CNTN4: variants seen among roughly 807,000 people sequenced by gnomAD.
The protein encoded by CNTN4 is contactin-4.
In CNTN4, 77 loss-of-function variants were observed where a neutral mutation model predicts 122.5. That is an observed-to-expected ratio of 0.63 (90% CI 0.52 to 0.76). The LOEUF (loss-of-function observed/expected upper bound fraction) is 0.76, where lower values mean the gene tolerates loss of function less well. Ranked by LOEUF, CNTN4 falls within the 30% of genes least tolerant of loss-of-function variation. The pLI is 0.00. For missense variants in CNTN4, 1,256 were observed against 1,259.1 expected, an observed-to-expected ratio of 1.00 and a Z score of 0.04; for synonymous variants, 512 against 447.0, an observed-to-expected ratio of 1.15 and a Z score of -1.83.
At chr3:2,331,087 T>A (rs1209529865) in intron 2 of CNTN4, among the ~76,000 whole-genome samples, 1 of 152,178 alleles carries the variant, frequency 6.6e-6, no homozygotes. Flanking sequence ...ATTTTCTGGT[T>A]CTGCAGATTG....
chr3:2,150,973 G>C (rs749588935), intron 2 of CNTN4, among the ~76,000 whole-genome samples: 3 of 150,534 alleles, frequency 2.0e-5, no homozygotes, highest in Non-Finnish European at 4.4e-5. Flanking sequence ...GGGAACTATC[G>C]TAAGTAAGTT....
rs1157082344 is a variant in CNTN4, at chr3:2,127,918, ACTGAATTTTGTTCTTCCT to A, written c.-145+27286_-145+27303del. On this transcript the variant is annotated intron_variant, in intron 2 of 24. Coordinates refer to ENST00000418658, the MANE Select transcript of CNTN4 (RefSeq NM_175607.3). ...AACCAAGAGTAGAAGATAACTTGTT[ACTGAATTTTGTTCTTCCT>A]CTGAATGCCACTCTTTCAAGCAGAG... 2.0e-5 allele frequency among the ~76,000 whole-genome samples: 3 copies of A among 152,228 alleles called. No individual in the cohort carries two copies. The East Asian group carries it at 5.8e-4, about 29-fold the overall frequency.
intron 2 of CNTN4, among the ~76,000 whole-genome samples, chr3:2,135,520 A>C (rs1211662028): frequency 1.3e-5 from 2 of 152,188 alleles, no homozygotes; most frequent in Non-Finnish European, 2.9e-5. Context: ...TGTAGTACAG[A>C]ACTTTAGACT....
At chr3:2,362,317 C>A in intron 3 of CNTN4, 1 of 228,036 alleles carries the variant, frequency 4.4e-6, no homozygotes, top group Non-Finnish European at 8.8e-6. Flanking sequence ...ATGGCGGCCC[C>A]AGGGCTGCGC....
intron 12 of CNTN4, among the ~76,000 whole-genome samples, chr3:2,915,599 G>A (rs2094345080): frequency 6.6e-6 from 1 of 152,140 alleles, no homozygotes; most frequent in Non-Finnish European, 1.5e-5. Context: ...TAGAGAAAAA[G>A]CTTTCAATTT....
At position 2,576,096 on chromosome 3, in the gene CNTN4, G is replaced by A. The variant is rs547527958; in HGVS notation, c.55+4538G>A. On this transcript the variant is annotated intron_variant, in intron 4 of 24. Coordinates refer to ENST00000418658, the MANE Select transcript of CNTN4 (RefSeq NM_175607.3). ...GTGATCTGCCCACCTCGGCCTCCCA[G>A]AGTGCTGGAATTACAGGCGTGAGCC... Among the ~76,000 whole-genome samples the A allele has an allele frequency of 3.7e-3, 566 of 152,110 alleles. 2 individuals are homozygous for A. The highest frequency in any genetic ancestry group is 0.012 in the African/African-American group (500 of 41,488).
chr3:2,208,619 G>A (rs910681891), intron 2 of CNTN4, among the ~76,000 whole-genome samples: 5 of 152,148 alleles, frequency 3.3e-5, no homozygotes, highest in Non-Finnish European at 7.4e-5. Flanking sequence ...CTGCATTTCT[G>A]CTGTGGGTCA....
chr3:2,958,981 A>G (rs994397541), intron 13 of CNTN4, among the ~76,000 whole-genome samples: 18 of 152,196 alleles, frequency 1.2e-4, no homozygotes, highest in African/African-American at 4.1e-4. Context: ...CAGGGAACAG[A>G]AGGGTCAGTA....
Position 2,678,979 on chromosome 3 carries a change from G to A in CNTN4, c.56-57236G>A, listed in dbSNP as rs576640413. Among the ~76,000 whole-genome samples the A allele has an allele frequency of 2.6e-5, 4 of 152,236 alleles. No individual in the cohort carries two copies. In the East Asian group the frequency reaches 7.7e-4, roughly 29 times the overall value. ...CCTTTTTACATTAAACTGAAAAAGTGCACATGTGTTCTGTTGAAATGCCCC... is the reference window on the plus strand; with the variant it reads ...CCTTTTTACATTAAACTGAAAAAGTACACATGTGTTCTGTTGAAATGCCCC... On this transcript the variant is annotated intron_variant, in intron 4 of 24. Coordinates refer to ENST00000418658, the MANE Select transcript of CNTN4 (RefSeq NM_175607.3).
At chr3:2,448,427 AG>A in intron 3 of CNTN4, among the ~76,000 whole-genome samples, 1 of 152,290 alleles carries the variant, frequency 6.6e-6, no homozygotes, top group Non-Finnish European at 1.5e-5. Flanking sequence ...TTGGAGTGAT[AG>A]GGAGTTGTGT....
intron 2 of CNTN4, among the ~76,000 whole-genome samples, chr3:2,141,061 C>T (rs1043015197): frequency 6.6e-6 from 1 of 152,138 alleles, no homozygotes; most frequent in Non-Finnish European, 1.5e-5. Context: ...GCTGGAATAT[C>T]AGTTGCTGGG....
At chr3:2,283,519 G>C (rs925820892) in intron 2 of CNTN4, among the ~76,000 whole-genome samples, 1 of 152,044 alleles carries the variant, frequency 6.6e-6, no homozygotes, top group African/African-American at 2.4e-5. Context: ...CCATATAATG[G>C]GAACTGGGGT....
intron 2 of CNTN4, among the ~76,000 whole-genome samples, chr3:2,185,123 A>G (rs2037188217): frequency 6.6e-6 from 1 of 152,106 alleles, no homozygotes; most frequent in Admixed American, 6.5e-5. Context: ...TGGGCTTTTT[A>G]CAGAGGCTGA....
At chr3:2,479,178 T>C (rs979959445) in intron 3 of CNTN4, among the ~76,000 whole-genome samples, 23 of 152,182 alleles carry the variant, frequency 1.5e-4, no homozygotes, top group Non-Finnish European at 7.3e-5. Context: ...CCTATATAGG[T>C]TTGCTTTTTT....
rs144391040 is a variant in CNTN4 at position 3,040,257 on chromosome 3, A to G, written c.2384A>G (p.Tyr795Cys). The change falls in exon 20 of 25, where the codon TAT becomes TGT. Residue 795 changes from tyrosine (Y) to cysteine (C), a missense_variant. Transcript: ENST00000418658. ...CCTTTCAGTCCCACCACGGTGGTGT[A>G]TTCTGCAGAAGAAGGTATCGTTTAT... is the stretch of plus-strand genomic sequence containing the variant. ...EGPFSPTTVV[Y>C]SAEEEPTKPP... 6.2e-7 allele frequency: 1 copy of G among 1,612,236 alleles called. No individual in the cohort carries two copies. Among genetic ancestry groups the G allele is most frequent in the Non-Finnish European group, 8.5e-7 (1 of 1,178,260 alleles).
chr3:2,657,117 G>C lies in CNTN4; in HGVS notation c.56-79098G>C, dbSNP rs1165176895. Among the ~76,000 whole-genome samples, 9 of 152,264 alleles carry C rather than the reference G, an allele frequency of 5.9e-5. No individual in the cohort carries two copies. In the East Asian group the frequency reaches 1.7e-3, roughly 29 times the overall value. ...TTAAAAACTCAAAATAAATACGTAG[G>C]TTAATGTCATGAAGTACTTGACCGG... On this transcript the variant is annotated intron_variant, in intron 4 of 24. Transcript: ENST00000418658.
At position 2,832,341 on chromosome 3, in the gene CNTN4, G is replaced by T. The variant is rs546434735; in HGVS notation, c.454+12760G>T. On this transcript the variant is annotated intron_variant, in intron 7 of 24. Coordinates refer to ENST00000418658, the MANE Select transcript of CNTN4 (RefSeq NM_175607.3). ...GGGCCAAAACAAAATGTTTTCTCCT[G>T]CCATGTAGCCTACAGGTCTGCTAGG... Among the ~76,000 whole-genome samples the T allele has an allele frequency of 3.3e-5, 5 of 152,324 alleles. No individual in the cohort carries two copies. In the East Asian group the frequency reaches 9.6e-4, roughly 29 times the overall value.
intron 4 of CNTN4, among the ~76,000 whole-genome samples, chr3:2,584,425 C>T (rs756380809): frequency 3.3e-5 from 5 of 151,938 alleles, no homozygotes; most frequent in East Asian, 1.9e-4. Flanking sequence ...ATAGGTCTGC[C>T]GGGCACAGTG....
At chr3:2,430,020 G>T (rs1029163227) in intron 3 of CNTN4, among the ~76,000 whole-genome samples, 1 of 152,146 alleles carries the variant, frequency 6.6e-6, no homozygotes, top group Non-Finnish European at 1.5e-5. Flanking sequence ...CGCTTCCCGG[G>T]TGAGGTGATG....
Sources: gnomAD v4.1 joint callset for allele counts (sites outside exome capture counted in the v4.1 genomes callset) on GRCh38, gnomAD v4.1.1 for gene constraint, MANE v1.5 for transcripts, NCBI Gene and HGNC (gene_info 2026-07-23, HGNC 2026-07-21) for gene names.